Variants in PTCD2 observed in about 807,000 individuals in gnomAD.
PTCD2 encodes the protein pentatricopeptide repeat domain 2.
Under a neutral mutation model 42.6 loss-of-function variants are expected in PTCD2, and 31 were observed. That is an observed-to-expected ratio of 0.73 (90% CI 0.55 to 0.98). The LOEUF (loss-of-function observed/expected upper bound fraction) is 0.98, where lower values mean the gene tolerates loss of function less well. Among genes scored for constraint, PTCD2 ranks in the 50% least tolerant of loss-of-function variants. The pLI is 0.00. For synonymous variants in PTCD2, 183 were observed against 170.9 expected (o/e 1.07, Z -0.55); for missense variants, 476 against 454.8 (o/e 1.05, Z -0.42).
chr5:72,335,226 G>T (rs1489215402), intron 5 of PTCD2, 130 bp downstream of exon 5: 2 of 545,662 alleles, frequency 3.7e-6, no homozygotes, highest in Non-Finnish European at 6.7e-6. Flanking sequence ...GAGGCGGGTG[G>T]ATCATGAGGT....
chr5:72,324,632 T>C (rs1439850148), intron 2 of PTCD2, among the ~76,000 whole-genome samples: 1 of 152,236 alleles, frequency 6.6e-6, no homozygotes, highest in Non-Finnish European at 1.5e-5. Context: ...AGGACTCTTC[T>C]GTCCACTCTG....
chr5:72,341,524 G>A (rs905559704), intron 7 of PTCD2, among the ~76,000 whole-genome samples: 8 of 151,912 alleles, frequency 5.3e-5, no homozygotes, highest in African/African-American at 1.9e-4. Flanking sequence ...CTTGAGGCCA[G>A]GAGTTTGAGA....
At position 72,358,405 on chromosome 5, in the gene PTCD2, G is replaced by T; in HGVS notation, c.1145G>T (p.Ser382Ile). The part of the protein sequence containing the change: ...MVSRRTFQPL[S>I]QSLLAE ...AGCCGTCGCACCTTCCAGCCACTCA[G>T]CCAGTCCCTGTTGGCTGAGTAACCC... is the stretch of plus-strand genomic sequence containing the variant. The change falls in exon 10 of 10, where the codon AGC becomes ATC. Residue 382 changes from serine to isoleucine, a missense_variant. Transcript: ENST00000380639. 2 of 1,613,506 alleles carry T rather than the reference G, an allele frequency of 1.2e-6. No homozygotes were observed. Among genetic ancestry groups the T allele is most frequent in the South Asian group, 2.2e-5 (2 of 91,036 alleles).
intron 8 of PTCD2, among the ~76,000 whole-genome samples, chr5:72,346,447 G>A (rs1446807553): frequency 1.3e-5 from 2 of 152,138 alleles, no homozygotes; most frequent in Non-Finnish European, 2.9e-5. Flanking sequence ...AAATCCAAGC[G>A]GCTGAGAGCC....
chr5:72,350,525 GA>G (rs1752572492), intron 8 of PTCD2, among the ~76,000 whole-genome samples: 1 of 152,180 alleles, frequency 6.6e-6, no homozygotes, highest in African/African-American at 2.4e-5. Context: ...AAACATCCTT[GA>G]AAAGATAGTC....
At position 72,358,243 on chromosome 5, in the gene PTCD2, T is replaced by C. The variant is rs1309166302; in HGVS notation, c.983T>C (p.Leu328Pro). The change falls in exon 10 of 10, where the codon CTT becomes CCT. Residue 328 changes from leucine to proline, a missense_variant. Leu to Pro is a moderately conservative substitution (Grantham distance 98). Transcript: ENST00000380639. The part of the protein sequence containing the change: ...VREKVKDVPA[L>P]VAKFDEIYGT... ...GAAAAAGTGAAGGATGTGCCTGCCC[T>C]TGTGGCCAAATTTGATGAGATCTAT... is the stretch of plus-strand genomic sequence containing the variant. 1.2e-6 allele frequency: 2 copies of C among 1,614,010 alleles called. No individual in the cohort carries two copies. Among genetic ancestry groups the C allele is most frequent in the Non-Finnish European group, 1.7e-6 (2 of 1,180,006 alleles).
At chr5:72,324,325 G>A (rs1167142746) in intron 2 of PTCD2, among the ~76,000 whole-genome samples, 1 of 152,168 alleles carries the variant, frequency 6.6e-6, no homozygotes, top group Non-Finnish European at 1.5e-5. Flanking sequence ...CATTTTGAGA[G>A]CCCACAGTGG....
Position 72,331,342 on chromosome 5 carries a change from C to T in PTCD2, c.435C>T (p.Leu145=), listed in dbSNP as rs142956895. The change falls in exon 4 of 10, where the codon CTC becomes CTT. Residue 145 remains leucine (L), a synonymous_variant. Coordinates refer to ENST00000380639, the MANE Select transcript of PTCD2 (RefSeq NM_024754.5). ...TGAGGTTGTGTTACGAGTTGGATCT[C>T]GAGGAATCTGCAGTGGAGCTCATGA... is the stretch of plus-strand genomic sequence containing the variant. ...LFVRLCYELD[L]EESAVELMKD... is the part of the protein sequence containing the mutation. 50 of 1,613,554 alleles carry T rather than the reference C, an allele frequency of 3.1e-5. No homozygotes were observed. In the African/African-American group the frequency reaches 5.2e-4, roughly 17 times the overall value.
In PTCD2 at chr5:72,367,439, T is replaced by C. The variant is rs754154882; in HGVS notation, c.*9012T>C. 6.6e-6 allele frequency: 1 copy of C among 152,204 alleles called. No individual in the cohort carries two copies. Among genetic ancestry groups the C allele is most frequent in the Non-Finnish European group, 1.5e-5 (1 of 68,056 alleles). 9.4% of individuals were successfully genotyped at this position (152,204 alleles called of 1,614,324 possible). Reference sequence around the variant, plus strand: ...GAGGAGACCCTAGTGCAACTGTGCATTGTACAACAACTGATGAGGTAAAAG... The same window carrying C: ...GAGGAGACCCTAGTGCAACTGTGCACTGTACAACAACTGATGAGGTAAAAG... On this transcript the variant is annotated 3_prime_UTR_variant, in exon 10 of 10. Transcript: ENST00000380639.
intron 5 of PTCD2, 78 bp downstream of exon 5, chr5:72,335,174 T>C: frequency 3.7e-6 from 3 of 806,180 alleles, no homozygotes; most frequent in Non-Finnish European, 4.3e-6. Context: ...AAATGAGTCA[T>C]GCAAAAATGA....
chr5:72,330,252 C>G (rs1256305599), intron 3 of PTCD2, among the ~76,000 whole-genome samples: 2 of 152,002 alleles, frequency 1.3e-5, no homozygotes, highest in Non-Finnish European at 2.9e-5. Flanking sequence ...TTTGTAACTT[C>G]TATAAGTGGA....
At position 72,331,633 on chromosome 5, in the gene PTCD2, C is replaced by T. The variant is rs1017261292; in HGVS notation, c.468+258C>T. 7.5e-4 allele frequency among the ~76,000 whole-genome samples: 114 copies of T among 152,048 alleles called. 9 individuals carry two copies. The highest frequency in any genetic ancestry group is 4.4e-5 in the Non-Finnish European group (3 of 68,008). ...GATGTGTATCAATGTGGGTTGTACA[C>T]CTGCTTTTTTAGGGGCTTTCAATAG... On this transcript the variant is annotated intron_variant, in intron 4 of 9. Coordinates refer to ENST00000380639, the MANE Select transcript of PTCD2 (RefSeq NM_024754.5).
rs115444722 is a variant in PTCD2, at chr5:72,327,353, T to A, written c.350+612T>A. On this transcript the variant is annotated intron_variant, in intron 3 of 9. Coordinates refer to ENST00000380639, the MANE Select transcript of PTCD2 (RefSeq NM_024754.5). ...GTCAGAAAGAACTCGCATGTAAGCA[T>A]AGCCTGCCACTGGGAAAGCCAGCAA... is the stretch of plus-strand genomic sequence containing the variant. 6.0e-3 allele frequency among the ~76,000 whole-genome samples: 918 copies of A among 152,318 alleles called. 7 individuals are homozygous for A. The highest frequency in any genetic ancestry group is 0.02 in the African/African-American group (836 of 41,586).
intron 4 of PTCD2, 60 bp from the exon 5 acceptor site, chr5:72,334,958 A>T (rs570443577): frequency 9.7e-7 from 1 of 1,030,466 alleles, no homozygotes; most frequent in African/African-American, 1.6e-5. Flanking sequence ...AGACAGTAAA[A>T]GTACCTCCTC....
chr5:72,343,120 T>A (rs1752160848), intron 8 of PTCD2, 84 bp downstream of exon 8: 1 of 620,728 alleles, frequency 1.6e-6, no homozygotes, highest in Non-Finnish European at 2.4e-6. Flanking sequence ...CTAAATTTTT[T>A]AGCTGTATAC....
rs1753231009 is a variant in PTCD2 at position 72,367,473 on chromosome 5, T to A, written c.*9046T>A. ...AACTGATGAGGTAAAAGAAACAAAC[T>A]GTTAATGACTCTAAACAATGTGGCC... On this transcript the variant is annotated 3_prime_UTR_variant, in exon 10 of 10. Coordinates refer to ENST00000380639, the MANE Select transcript of PTCD2 (RefSeq NM_024754.5). The A allele has an allele frequency of 6.6e-6, 1 of 152,156 alleles. No homozygotes were observed. The highest frequency in any genetic ancestry group is 2.1e-4 in the South Asian group (1 of 4,824). The allele number at this position is 152,156 out of a possible 1,614,324, so 9.4% of individuals were successfully genotyped here.
intron 1 of PTCD2, among the ~76,000 whole-genome samples, chr5:72,321,850 C>G (rs934248843): frequency 4.6e-5 from 7 of 152,078 alleles, no homozygotes; most frequent in African/African-American, 7.2e-5. Flanking sequence ...ATACCCTTAA[C>G]CGATGGCAAA....
Position 72,358,367 on chromosome 5 carries a change from C to T in PTCD2, c.1107C>T (p.Asn369=), listed in dbSNP as rs758502512. ...RDRKSHTLLL[N]KRMVSRRTFQ... is the part of the protein sequence containing the mutation. Reference sequence around the variant, plus strand: ...GGAAATCTCACACGTTGCTATTAAACAAGAGGATGGTCAGCCGTCGCACCT... The same window carrying T: ...GGAAATCTCACACGTTGCTATTAAATAAGAGGATGGTCAGCCGTCGCACCT... The change falls in exon 10 of 10, where the codon AAC becomes AAT. Residue 369 remains asparagine, a synonymous_variant. Transcript: ENST00000380639. 1 of 1,614,056 alleles carries T rather than the reference C, an allele frequency of 6.2e-7. No individual in the cohort carries two copies. The highest frequency in any genetic ancestry group is 8.5e-7 in the Non-Finnish European group (1 of 1,180,004).
At chr5:72,346,860 AC>A (rs1392022470) in intron 8 of PTCD2, among the ~76,000 whole-genome samples, 2 of 152,224 alleles carry the variant, frequency 1.3e-5, no homozygotes, top group Non-Finnish European at 2.9e-5. Context: ...GTCTCTGATA[AC>A]ATCAGGAAGG....
Sources: allele counts gnomAD v4.1 joint callset (sites outside exome capture counted in the v4.1 genomes callset), GRCh38; gene constraint gnomAD v4.1.1; transcripts MANE v1.5; gene names NCBI Gene and HGNC (gene_info 2026-07-23, HGNC 2026-07-21).